Variants in STN1 observed in about 807,000 individuals in gnomAD.
STN1 encodes the protein CST complex subunit STN1.
A neutral mutation model predicts 45.5 loss-of-function variants in STN1; 29 were observed. The ratio of observed to expected loss-of-function variants is 0.64; its 90% CI spans 0.47 to 0.87. The LOEUF (loss-of-function observed/expected upper bound fraction) is 0.87, where lower values mean the gene tolerates loss of function less well. Among genes scored for constraint, STN1 ranks in the 40% least tolerant of loss-of-function variants. The pLI is 0.00. For synonymous variants in STN1, 148 were observed against 159.0 expected, an observed-to-expected ratio of 0.93 and a Z score of 0.52; for missense variants, 376 against 441.4, an observed-to-expected ratio of 0.85 and a Z score of 1.33.
chr10:103,894,633 T>A (rs4918069), intron 7 of STN1, among the ~76,000 whole-genome samples: 1 of 151,070 alleles, frequency 6.6e-6, no homozygotes, highest in Non-Finnish European at 1.5e-5. Context: ...CTTTCTTGTC[T>A]TTTTCAAAAA....
intron 9 of STN1, among the ~76,000 whole-genome samples, chr10:103,886,649 A>G (rs1843105401): frequency 6.6e-6 from 1 of 152,212 alleles, no homozygotes; most frequent in Admixed American, 6.5e-5. Flanking sequence ...TGCAGGCTAG[A>G]GAATTAGGGG....
At chr10:103,917,099 T>C (rs1843337762) in intron 2 of STN1, among the ~76,000 whole-genome samples, 1 of 152,072 alleles carries the variant, frequency 6.6e-6, no homozygotes, top group Non-Finnish European at 1.5e-5. Flanking sequence ...ACCAGGTAAG[T>C]GGCACATTTA....
At chr10:103,886,043 T>C (rs1843101144) in intron 9 of STN1, among the ~76,000 whole-genome samples, 1 of 152,106 alleles carries the variant, frequency 6.6e-6, no homozygotes, top group Non-Finnish European at 1.5e-5. Flanking sequence ...CTACAAAAGG[T>C]TAAACTTCTT....
At chr10:103,907,115 C>T (rs910118353) in intron 3 of STN1, among the ~76,000 whole-genome samples, 44 of 152,252 alleles carry the variant, frequency 2.9e-4, no homozygotes, top group Admixed American at 8.5e-4. Context: ...CAGTGAGACC[C>T]TGCCTCTTAA....
At chr10:103,890,191 C>T (rs1047477202) in intron 8 of STN1, among the ~76,000 whole-genome samples, 3 of 152,080 alleles carry the variant, frequency 2.0e-5, no homozygotes, top group African/African-American at 7.2e-5. Context: ...TGTAAGTTTC[C>T]TCCTTAAAGA....
intron 2 of STN1, among the ~76,000 whole-genome samples, chr10:103,914,513 C>G (rs1843315635): frequency 1.3e-5 from 2 of 151,038 alleles, no homozygotes; most frequent in African/African-American, 4.9e-5. Context: ...TAACTGGGAC[C>G]ATAGGTACTG....
At chr10:103,899,046 A>T in intron 5 of STN1, 46 bp from the exon 6 acceptor site, 12 of 1,603,492 alleles carry the variant, frequency 7.5e-6, no homozygotes, top group Non-Finnish European at 1.0e-5. Context: ...TACAAATTAC[A>T]TTGAGATCAA....
intron 2 of STN1, among the ~76,000 whole-genome samples, chr10:103,912,593 C>A (rs187798706): frequency 9.2e-5 from 14 of 152,342 alleles, no homozygotes; most frequent in African/African-American, 2.4e-5. Context: ...CCCTCTACTG[C>A]CGTACACCCC....
intron 3 of STN1, among the ~76,000 whole-genome samples, chr10:103,909,372 A>ATATGTATATATATGTATATATG (rs1564634889): frequency 5.6e-5 from 5 of 89,138 alleles, no homozygotes; most frequent in African/African-American, 2.0e-4. Flanking sequence ...AAAAATATAT[A>ATATGTATATATATGTATATATG]TATATATGTA....
At chr10:103,889,695 C>CTTTTTTTTTTTTTTTTTTTT (rs58738841) in intron 8 of STN1, among the ~76,000 whole-genome samples, 1 of 122,100 alleles carries the variant, frequency 8.2e-6, no homozygotes, top group African/African-American at 3.4e-5. Flanking sequence ...TTTCTTTTTC[C>CTTTTTTTTTTTTTTTTTTTT]TTTTTTTTTT....
intron 9 of STN1, among the ~76,000 whole-genome samples, chr10:103,885,785 G>A (rs548706288): frequency 3.3e-5 from 5 of 152,066 alleles, no homozygotes; most frequent in Non-Finnish European, 4.4e-5. Flanking sequence ...TACATAATTC[G>A]ACTCTTCTGG....
chr10:103,904,773 T>G (rs1843230153), intron 4 of STN1, among the ~76,000 whole-genome samples: 1 of 152,180 alleles, frequency 6.6e-6, no homozygotes, highest in South Asian at 2.1e-4. Context: ...TGACTTGCAA[T>G]TAGGCTAAGA....
rs1332585231 is a variant in STN1 at position 103,880,653 on chromosome 10, C to T, written c.*2031G>A. ...GGGGTCTGCAGTTCAGGGAAGAGGCCCATTCTGGGTTTAAACTGAGGTGTT... is the reference window on the plus strand; with the variant it reads ...GGGGTCTGCAGTTCAGGGAAGAGGCTCATTCTGGGTTTAAACTGAGGTGTT... On this transcript the variant is annotated 3_prime_UTR_variant, in exon 10 of 10. Transcript: ENST00000224950. 1.3e-5 allele frequency among the ~76,000 whole-genome samples: 2 copies of T among 152,080 alleles called. No individual in the cohort carries two copies. Among genetic ancestry groups the T allele is most frequent in the Non-Finnish European group, 2.9e-5 (2 of 68,022 alleles).
At chr10:103,897,362 T>C (rs1257339055) in intron 7 of STN1, among the ~76,000 whole-genome samples, 186 bp downstream of exon 7, 1 of 152,010 alleles carries the variant, frequency 6.6e-6, no homozygotes, top group African/African-American at 2.4e-5. Flanking sequence ...TCCAGCCTTA[T>C]GCCTCATTTC....
At chr10:103,898,606 T>C (rs1022203997) in intron 6 of STN1, among the ~76,000 whole-genome samples, 3 of 152,232 alleles carry the variant, frequency 2.0e-5, no homozygotes, top group South Asian at 2.1e-4. Flanking sequence ...TCCAAGTGTT[T>C]TTCTCTGCTC....
rs1220942718 is a variant in STN1 at position 103,904,953 on chromosome 10, T to C, written c.295+138A>G. 8 of 766,286 alleles carry C rather than the reference T, an allele frequency of 1.0e-5. No homozygotes were observed. In the East Asian group the frequency reaches 1.7e-4, roughly 17 times the overall value. 47.5% of individuals were successfully genotyped at this position (766,286 alleles called of 1,614,324 possible). On this transcript the variant is annotated intron_variant, in intron 4 of 9. Coordinates refer to ENST00000224950, the MANE Select transcript of STN1 (RefSeq NM_024928.5). ...TTTTCAGAGCAGCCAAAGCTCTGGG[T>C]ATAGTGCTTCAGGTAGATCAATGTA...
At position 103,905,043 on chromosome 10, in the gene STN1, A is replaced by C. The variant is rs1366564280; in HGVS notation, c.295+48T>G. The C allele has an allele frequency of 3.3e-6, 5 of 1,528,630 alleles. No individual in the cohort carries two copies. In the African/African-American group the frequency reaches 5.5e-5, roughly 17 times the overall value. 94.7% of individuals were successfully genotyped at this position (1,528,630 alleles called of 1,614,324 possible). A position where few individuals can be genotyped will look rare whatever the true frequency, so the allele number is the denominator to read the frequency against. ...TGTTTTGATGAACTACATTGAGTAA[A>C]ATCCATTAGTTAGGTGAAAAGTAAA... On this transcript the variant is annotated intron_variant, in intron 4 of 9. Coordinates refer to ENST00000224950, the MANE Select transcript of STN1 (RefSeq NM_024928.5).
chr10:103,911,346 G>T (rs185904066), intron 2 of STN1, among the ~76,000 whole-genome samples: 102 of 152,188 alleles, frequency 6.7e-4, no homozygotes, highest in African/African-American at 2.3e-3. Flanking sequence ...CCTGGCTCCT[G>T]CAGGTCTTCC....
Position 103,880,274 on chromosome 10 carries a change from G to C in STN1, c.*2410C>G, listed in dbSNP as rs1256936450. ...TGGGTCTTTTTATGGGCTCAGAATG[G>C]GGGGAGGGGCAGGCTGTAGGTATTA... On this transcript the variant is annotated 3_prime_UTR_variant, in exon 10 of 10. Coordinates refer to ENST00000224950, the MANE Select transcript of STN1 (RefSeq NM_024928.5). 6.6e-6 allele frequency among the ~76,000 whole-genome samples: 1 copy of C among 152,204 alleles called. No individual in the cohort carries two copies. The highest frequency in any genetic ancestry group is 6.5e-5 in the Admixed American group (1 of 15,272).
Sources: gnomAD v4.1 joint callset for allele counts (sites outside exome capture counted in the v4.1 genomes callset) on GRCh38, gnomAD v4.1.1 for gene constraint, MANE v1.5 for transcripts, NCBI Gene and HGNC (gene_info 2026-07-23, HGNC 2026-07-21) for gene names.